Variants in ZDHHC14 observed in about 807,000 individuals in gnomAD.
ZDHHC14 encodes the protein zDHHC palmitoyltransferase 14.
ZDHHC14 carries 16 observed loss-of-function variants against 47.7 expected under a neutral mutation model. The ratio of observed to expected loss-of-function variants is 0.34; its 90% CI spans 0.23 to 0.51. ZDHHC14 has a LOEUF of 0.51. ZDHHC14 is among the 20% of genes least tolerant of loss of function. ZDHHC14 has a pLI of 0.97. For synonymous variants in ZDHHC14, 293 were observed against 278.9 expected (o/e 1.05, Z -0.50); for missense variants, 515 against 662.5 (o/e 0.78, Z 2.44).
Position 157,592,991 on chromosome 6 carries a change from T to C in ZDHHC14, c.410T>C (p.Ile137Thr), listed in dbSNP as rs760821344. The C allele has an allele frequency of 2.5e-5, 40 of 1,610,698 alleles. 1 individual carries two copies. The highest frequency in any genetic ancestry group is 3.4e-5 in the Admixed American group (2 of 59,076). Residue 137 changes from isoleucine (I) to threonine (T), a missense_variant, in exon 3 of 9, where the codon ATC becomes ACC. Transcript: ENST00000359775. Reference protein sequence around the residue: ...EAADLERQIDIANGTSSGGYR... With the variant: ...EAADLERQIDTANGTSSGGYR... ...CTTTCTCTTCTTTTCTCCACAGATA[T>C]CGCAAACGGCACCAGTTCAGGGGGG...
At chr6:157,653,494 T>C (rs374161123) in intron 7 of ZDHHC14, 31 bp from the exon 8 acceptor site, 1 of 1,610,760 alleles carries the variant, frequency 6.2e-7, no homozygotes, top group African/African-American at 1.3e-5. Context: ...TTATTCACTC[T>C]CTTCCTGCTG....
chr6:157,619,366 G>A (rs1785092554), intron 3 of ZDHHC14, among the ~76,000 whole-genome samples: 1 of 152,218 alleles, frequency 6.6e-6, no homozygotes, highest in African/African-American at 2.4e-5. Context: ...ACTCCAGCCT[G>A]GGTGGCAGAG....
intron 2 of ZDHHC14, among the ~76,000 whole-genome samples, chr6:157,585,285 A>G (rs1022998615): frequency 4.6e-5 from 7 of 152,074 alleles, no homozygotes; most frequent in Non-Finnish European, 7.4e-5. Context: ...CCAAAATTCT[A>G]GTGTTTGACC....
intron 5 of ZDHHC14, among the ~76,000 whole-genome samples, chr6:157,633,713 C>T (rs535919409): frequency 2.6e-5 from 4 of 152,338 alleles, no homozygotes; most frequent in African/African-American, 9.6e-5. Flanking sequence ...CCAAGTCTTA[C>T]CCCATCACCC....
intron 1 of ZDHHC14, among the ~76,000 whole-genome samples, chr6:157,528,845 G>T (rs1018857306): frequency 8.0e-6 from 1 of 124,634 alleles, no homozygotes; most frequent in African/African-American, 5.9e-5. Flanking sequence ...ATGAAGACTG[G>T]GGGTGGGAGT....
chr6:157,434,800 G>A (rs750990972), intron 1 of ZDHHC14, among the ~76,000 whole-genome samples: 2 of 152,114 alleles, frequency 1.3e-5, no homozygotes, highest in Non-Finnish European at 2.9e-5. Flanking sequence ...ACTGTCTGTG[G>A]AGCTATTTGC....
chr6:157,664,634 T>C (rs1778476002), intron 8 of ZDHHC14, among the ~76,000 whole-genome samples: 1 of 152,226 alleles, frequency 6.6e-6, no homozygotes, highest in Admixed American at 6.5e-5. Context: ...GGTCTTACTT[T>C]AGGGCATGAT....
chr6:157,482,149 G>A (rs1779645455), intron 1 of ZDHHC14, among the ~76,000 whole-genome samples: 1 of 152,184 alleles, frequency 6.6e-6, no homozygotes, highest in Non-Finnish European at 1.5e-5. Flanking sequence ...GGTTTTCTGG[G>A]AAATTGTTTC....
chr6:157,506,076 G>A (rs2114743591), intron 1 of ZDHHC14, among the ~76,000 whole-genome samples: 1 of 152,308 alleles, frequency 6.6e-6, no homozygotes, highest in East Asian at 1.9e-4. Context: ...ACTGTAGCTT[G>A]GGTGGTTAAA....
chr6:157,436,083 G>A (rs77838601), intron 1 of ZDHHC14, among the ~76,000 whole-genome samples: 5,753 of 152,206 alleles, frequency 0.038, 149 homozygotes, highest in Non-Finnish European at 0.064. Context: ...AGGCAAGTAG[G>A]TGGAGGTCAC....
chr6:157,652,059 G>T (rs952122069), intron 7 of ZDHHC14, among the ~76,000 whole-genome samples: 4 of 152,210 alleles, frequency 2.6e-5, no homozygotes, highest in African/African-American at 9.6e-5. Flanking sequence ...TTGCAAAGCT[G>T]GTTTGAGAAC....
intron 4 of ZDHHC14, among the ~76,000 whole-genome samples, chr6:157,629,157 A>G (rs948096313): frequency 6.6e-6 from 1 of 152,194 alleles, no homozygotes; most frequent in African/African-American, 2.4e-5. Context: ...AGCAAATGGC[A>G]TTTTTTCATT....
In ZDHHC14 at chr6:157,625,960, C is replaced by G. The variant is rs146695547; in HGVS notation, c.566-2389C>G. On this transcript the variant is annotated intron_variant, in intron 3 of 8. Transcript: ENST00000359775. ...AGAAGCTCCCAGACTCCACGAGCAACTGTCTCGTCCGCATCATCTGTTGCT... is the reference window on the plus strand; with the variant it reads ...AGAAGCTCCCAGACTCCACGAGCAAGTGTCTCGTCCGCATCATCTGTTGCT... Among the ~76,000 whole-genome samples the G allele has an allele frequency of 6.6e-5, 10 of 152,318 alleles. 1 individual carries two copies. The highest frequency in any genetic ancestry group is 5.9e-4 in the Admixed American group (9 of 15,310).
chr6:157,399,436 T>A (rs778468403), intron 1 of ZDHHC14, among the ~76,000 whole-genome samples: 1 of 152,198 alleles, frequency 6.6e-6, no homozygotes, highest in Non-Finnish European at 1.5e-5. Flanking sequence ...TCATCTGTAG[T>A]TGTGTATATA....
intron 1 of ZDHHC14, among the ~76,000 whole-genome samples, chr6:157,489,983 C>T (rs1779874036): frequency 6.6e-6 from 1 of 152,044 alleles, no homozygotes; most frequent in African/African-American, 2.4e-5. Flanking sequence ...AGAGGACAGT[C>T]ATGGGGAAAT....
At chr6:157,483,554 A>G (rs1779684070) in intron 1 of ZDHHC14, among the ~76,000 whole-genome samples, 1 of 152,224 alleles carries the variant, frequency 6.6e-6, no homozygotes, top group Non-Finnish European at 1.5e-5. Context: ...AATGATGATG[A>G]TGATGGGCCT....
At chr6:157,630,750 T>C (rs1785667048) in intron 4 of ZDHHC14, 1 of 130,100 alleles carries the variant, frequency 7.7e-6, no homozygotes, top group Non-Finnish European at 1.6e-5. Flanking sequence ...CACATACTCG[T>C]ACACGCCCAC....
rs1284429244 is a variant in ZDHHC14, at chr6:157,540,910, G to GTGTGTATATATATATATATATA, written c.246-1674_246-1673insGTGTATATATATATATATATAT. On this transcript the variant is annotated intron_variant, in intron 1 of 8. Transcript: ENST00000359775. ...TGTATGTGTGTGTGTGTGTGTGTGT[G>GTGTGTATATATATATATATATA]TATATATATATATATATATATATAA... Among the ~76,000 whole-genome samples the GTGTGTATATATATATATATATA allele has an allele frequency of 7.3e-5, 9 of 122,974 alleles. 1 individual carries two copies. The highest frequency in any genetic ancestry group is 3.9e-4 in the African/African-American group (9 of 23,062). The allele number at this position is 122,974 out of a possible 152,430, so 80.7% of individuals were successfully genotyped here. A position where few individuals can be genotyped will look rare whatever the true frequency, so the allele number is the denominator to read the frequency against.
Position 157,584,822 on chromosome 6 carries a change from C to T in ZDHHC14, c.407-8166C>T, listed in dbSNP as rs138759133. 2.5e-3 allele frequency among the ~76,000 whole-genome samples: 377 copies of T among 152,294 alleles called. 4 individuals are homozygous for T. Among genetic ancestry groups the T allele is most frequent in the African/African-American group, 8.5e-3 (353 of 41,566 alleles). ...ATTATTTCTGTCTCCATGCCAGCAA[C>T]GTCCACCAATTGGTTGGGGGACTAT... is the stretch of plus-strand genomic sequence containing the variant. On this transcript the variant is annotated intron_variant, in intron 2 of 8. Transcript: ENST00000359775.
Sources: allele counts gnomAD v4.1 joint callset (sites outside exome capture counted in the v4.1 genomes callset), GRCh38; gene constraint gnomAD v4.1.1; transcripts MANE v1.5; gene names NCBI Gene and HGNC (gene_info 2026-07-23, HGNC 2026-07-21).